The following STAG1 variants were observed in gnomAD, a reference collection of about 807,000 sequenced individuals.
STAG1 encodes STAG1 cohesin complex component.
Under a neutral mutation model 170.9 loss-of-function variants are expected in STAG1, and 26 were observed. That is an observed-to-expected ratio of 0.15 (90% CI 0.11 to 0.21). STAG1 has a LOEUF of 0.21. STAG1 is among the 10% of genes least tolerant of loss of function. STAG1 has a pLI of 1.00. For synonymous variants in STAG1, 514 were observed against 497.7 expected, an observed-to-expected ratio of 1.03 and a Z score of -0.44; for missense variants, 964 against 1,509.5, an observed-to-expected ratio of 0.64 and a Z score of 5.99.
chr3:136,589,475 G>A (rs559122501), intron 4 of STAG1, among the ~76,000 whole-genome samples: 12 of 152,010 alleles, frequency 7.9e-5, no homozygotes, highest in African/African-American at 2.9e-4. Context: ...CTGCACTCCA[G>A]CCTGGGTGAC....
At chr3:136,702,464 G>A (rs1421057055) in intron 1 of STAG1, among the ~76,000 whole-genome samples, 3 of 152,000 alleles carry the variant, frequency 2.0e-5, no homozygotes, top group Non-Finnish European at 4.4e-5. Flanking sequence ...TCGGCTCACC[G>A]CAACCTCCGC....
At chr3:136,400,514 C>G (rs1472058444) in intron 21 of STAG1, among the ~76,000 whole-genome samples, 1 of 151,878 alleles carries the variant, frequency 6.6e-6, no homozygotes, top group Non-Finnish European at 1.5e-5. Context: ...AGCCACCACG[C>G]CCGGCCGCAA....
chr3:136,466,115 C>CA (rs1362967642), intron 12 of STAG1, among the ~76,000 whole-genome samples: 4 of 152,176 alleles, frequency 2.6e-5, no homozygotes, highest in African/African-American at 9.6e-5. Flanking sequence ...TCCAAAGAAA[C>CA]AGAGCTCCTC....
intron 1 of STAG1, among the ~76,000 whole-genome samples, chr3:136,702,449 C>T (rs13100192): frequency 2.6e-5 from 4 of 151,988 alleles, no homozygotes; most frequent in African/African-American, 4.8e-5. Flanking sequence ...TGCAATGGCG[C>T]GATCTCGGCT....
intron 10 of STAG1, among the ~76,000 whole-genome samples, chr3:136,475,965 A>C (rs889546138): frequency 3.3e-5 from 5 of 152,158 alleles, no homozygotes; most frequent in African/African-American, 1.2e-4. Flanking sequence ...GAATTTAAGA[A>C]CTCTGAATCC....
At chr3:136,592,287 G>A (rs1242710749) in intron 4 of STAG1, among the ~76,000 whole-genome samples, 6 of 152,108 alleles carry the variant, frequency 3.9e-5, no homozygotes, top group Non-Finnish European at 5.9e-5. Context: ...TGAATCATGG[G>A]GGTGGTATCC....
chr3:136,455,621 ATC>A (rs2089088352), intron 13 of STAG1, among the ~76,000 whole-genome samples: 1 of 152,200 alleles, frequency 6.6e-6, no homozygotes, highest in East Asian at 1.9e-4. Flanking sequence ...TGGTGCACGG[ATC>A]TTGGCAGCCA....
At chr3:136,603,403 C>A (rs1421789019) in intron 4 of STAG1, among the ~76,000 whole-genome samples, 1 of 109,094 alleles carries the variant, frequency 9.2e-6, no homozygotes, top group Non-Finnish European at 1.9e-5. Flanking sequence ...CAAATAATTC[C>A]ACCTCTAGCA....
intron 1 of STAG1, chr3:136,736,933 G>C (rs530867324): frequency 6.3e-7 from 1 of 1,592,334 alleles, no homozygotes; most frequent in East Asian, 2.2e-5. Flanking sequence ...CAACTTGTAA[G>C]CTTTGTCCAC....
At chr3:136,412,611 C>T (rs1315023775) in intron 21 of STAG1, among the ~76,000 whole-genome samples, 31 of 152,028 alleles carry the variant, frequency 2.0e-4, no homozygotes, top group Admixed American at 2.0e-3. Flanking sequence ...GACAAAATAT[C>T]ATTTATGTAG....
chr3:136,613,313 CA>C (rs60449608), intron 3 of STAG1, among the ~76,000 whole-genome samples: 250 of 59,732 alleles, frequency 4.2e-3, no homozygotes, highest in Middle Eastern at 0.019. Context: ...GACTCCGTCT[CA>C]AAAAAAAAAA....
intron 10 of STAG1, among the ~76,000 whole-genome samples, chr3:136,475,138 C>CTTTTTTTTTT (rs10686674): frequency 1.3e-5 from 1 of 76,002 alleles, no homozygotes; most frequent in Non-Finnish European, 2.3e-5. Flanking sequence ...TTATAGGTTC[C>CTTTTTTTTTT]TTTTTTTTTT....
chr3:136,643,092 A>G (rs1001399044), intron 1 of STAG1, among the ~76,000 whole-genome samples: 2 of 152,216 alleles, frequency 1.3e-5, no homozygotes, highest in Non-Finnish European at 1.5e-5. Context: ...TTCTACTTCC[A>G]AATAAGGTTG....
chr3:136,408,858 A>T (rs2107708445), intron 21 of STAG1, among the ~76,000 whole-genome samples: 1 of 152,348 alleles, frequency 6.6e-6, no homozygotes, highest in African/African-American at 2.4e-5. Context: ...TTTATATAGT[A>T]TGATCAAGGA....
At chr3:136,381,040 A>G (rs559405028) in intron 22 of STAG1, among the ~76,000 whole-genome samples, 41 of 151,574 alleles carry the variant, frequency 2.7e-4, no homozygotes, top group East Asian at 1.6e-3. Context: ...AAAAAAAGAA[A>G]AAAAAAAAAA....
intron 1 of STAG1, among the ~76,000 whole-genome samples, chr3:136,653,101 T>C (rs998418790): frequency 6.6e-6 from 1 of 152,010 alleles, no homozygotes; most frequent in Non-Finnish European, 1.5e-5. Flanking sequence ...AGAGAAACCC[T>C]GTCTCTACTA....
intron 26 of STAG1, among the ~76,000 whole-genome samples, chr3:136,362,360 C>T (rs1401931042): frequency 1.3e-5 from 2 of 151,972 alleles, no homozygotes; most frequent in South Asian, 4.1e-4. Context: ...TTTATCTTTC[C>T]TACTGATCTG....
At chr3:136,582,812 A>G (rs183150002) in intron 4 of STAG1, among the ~76,000 whole-genome samples, 75 of 152,288 alleles carry the variant, frequency 4.9e-4, no homozygotes, top group Non-Finnish European at 3.2e-4. Context: ...AAAATAAATA[A>G]ATAAAATAAA....
intron 9 of STAG1, chr3:136,499,788 C>A (rs1933367937): frequency 6.7e-6 from 1 of 150,104 alleles, no homozygotes; most frequent in Non-Finnish European, 1.5e-5. Flanking sequence ...TGCGGGGTTG[C>A]CCTTCTCTGT....
Sources: gnomAD v4.1 joint callset for allele counts (sites outside exome capture counted in the v4.1 genomes callset) on GRCh38, gnomAD v4.1.1 for gene constraint, MANE v1.5 for transcripts, NCBI Gene and HGNC (gene_info 2026-07-23, HGNC 2026-07-21) for gene names.